Variants in CUBN observed in about 807,000 individuals in gnomAD.
CUBN encodes the protein cubilin.
In CUBN, 282 loss-of-function variants were observed where a neutral mutation model predicts 405.3. The observed-to-expected ratio is 0.70, with a 90% CI of 0.63 to 0.77. CUBN has a LOEUF of 0.77. Ranked by LOEUF, CUBN falls within the 30% of genes least tolerant of loss-of-function variation. The pLI, the probability that CUBN is intolerant of heterozygous loss-of-function variation, is 0.00. For missense variants in CUBN, 4,514 were observed against 4,475.2 expected (o/e 1.01, Z -0.25); for synonymous variants, 1,684 against 1,617.0 (o/e 1.04, Z -0.99).
At chr10:16,946,989 C>A (rs1842804114) in intron 36 of CUBN, among the ~76,000 whole-genome samples, 1 of 152,096 alleles carries the variant, frequency 6.6e-6, no homozygotes, top group African/African-American at 2.4e-5. Flanking sequence ...ATGAATGCGC[C>A]ACAGATTCAT....
chr10:16,990,408 C>T lies in CUBN; in HGVS notation c.4276G>A (p.Gly1426Arg), dbSNP rs779349598. The change falls in exon 29 of 67, where the codon GGG becomes AGG. Residue 1426 changes from glycine (G) to arginine (R), a missense_variant. By Grantham distance (125) the Gly-to-Arg change is moderately radical. Transcript: ENST00000377833. ...ECIWYIRTDP[G>R]SSIQLTIHDF... ...TGGATGGTGAGCTGAATGCTACTCCCGGGGTCCGTCCTAATGTACCAGATA... is the reference window on the plus strand; with the variant it reads ...TGGATGGTGAGCTGAATGCTACTCCTGGGGTCCGTCCTAATGTACCAGATA... 6 of 1,614,030 alleles carry T rather than the reference C, an allele frequency of 3.7e-6. No homozygotes were observed. The highest frequency in any genetic ancestry group is 1.7e-5 in the Admixed American group (1 of 59,994).
Position 16,950,086 on chromosome 10 carries a change from G to T in CUBN, c.4995C>A (p.Thr1665=). Residue 1665 remains threonine, a synonymous_variant, in exon 34 of 67, where the codon ACC becomes ACA. Coordinates refer to ENST00000377833, the MANE Select transcript of CUBN (RefSeq NM_001081.4). ...PPLNHITLSF[T]HFELERSTTC... is the part of the protein sequence containing the mutation. The stretch of plus-strand genomic sequence containing the variant: ...TTGTGCTTCTTTCAAGTTCAAAGTG[G>T]GTAAAAGAGAGGGTGATATGATTTA... The T allele has an allele frequency of 6.2e-7, 1 of 1,613,650 alleles. No individual in the cohort carries two copies. Among genetic ancestry groups the T allele is most frequent in the Non-Finnish European group, 8.5e-7 (1 of 1,179,796 alleles).
At chr10:17,079,139 G>A (rs1835916925) in intron 17 of CUBN, among the ~76,000 whole-genome samples, 1 of 151,664 alleles carries the variant, frequency 6.6e-6, no homozygotes, top group Non-Finnish European at 1.5e-5. Flanking sequence ...AGCAGTTGTG[G>A]AAAAACTGTG....
At chr10:17,025,451 T>C (rs1834634304) in intron 27 of CUBN, among the ~76,000 whole-genome samples, 1 of 152,232 alleles carries the variant, frequency 6.6e-6, no homozygotes, top group Non-Finnish European at 1.5e-5. Flanking sequence ...AGCTAAAATG[T>C]CTTTATCTAT....
intron 28 of CUBN, among the ~76,000 whole-genome samples, chr10:17,013,505 T>C (rs1588580883): frequency 2.0e-5 from 3 of 152,144 alleles, no homozygotes; most frequent in African/African-American, 7.2e-5. Flanking sequence ...GCTGTTCTCC[T>C]CTCTCCTTCC....
intron 27 of CUBN, among the ~76,000 whole-genome samples, chr10:17,029,266 T>A (rs899394983): frequency 3.9e-5 from 6 of 152,226 alleles, no homozygotes; most frequent in African/African-American, 1.4e-4. Context: ...ACGAAAATCC[T>A]TCATTGTGAA....
intron 8 of CUBN, 83 bp downstream of exon 8, chr10:17,113,944 A>T: frequency 7.5e-7 from 1 of 1,327,368 alleles, no homozygotes; most frequent in Non-Finnish European, 1.1e-6. Context: ...TTGTCTTCTT[A>T]CTCATCAATA....
chr10:16,835,192 C>A lies in CUBN; in HGVS notation c.10184G>T (p.Cys3395Phe). Residue 3395 changes from cysteine to phenylalanine, a missense_variant, in exon 64 of 67, where the codon TGC (cysteine) becomes TTC (phenylalanine). This residue lies in a region of CUBN where 1,186 missense variants were observed against 1,186.9 expected (regional missense o/e 1.00). Transcript: ENST00000377833. ...RMSFTYQIAD[C>F]NRDYHKAFGN... ...AAATGCCTTGTGATAGTCTCTGTTGCAATCTTAGAGGAAAAATAGGCATAA... is the reference window on the plus strand; with the variant it reads ...AAATGCCTTGTGATAGTCTCTGTTGAAATCTTAGAGGAAAAATAGGCATAA... 1 of 1,613,144 alleles carries A rather than the reference C, an allele frequency of 6.2e-7. No homozygotes were observed. The highest frequency in any genetic ancestry group is 8.5e-7 in the Non-Finnish European group (1 of 1,179,122).
intron 25 of CUBN, 45 bp from the exon 26 acceptor site, chr10:17,044,028 A>G (rs1225771557): frequency 6.5e-7 from 1 of 1,528,456 alleles, no homozygotes; most frequent in Non-Finnish European, 9.0e-7. Context: ...GACTATAAAC[A>G]TTATGTAAAG....
chr10:17,020,455 C>A (rs1206556452), intron 27 of CUBN, among the ~76,000 whole-genome samples: 1 of 152,054 alleles, frequency 6.6e-6, no homozygotes, highest in African/African-American at 2.4e-5. Flanking sequence ...ATAATCACAT[C>A]ATAGAAAATG....
At chr10:17,116,354 A>G (rs564385137) in intron 6 of CUBN, among the ~76,000 whole-genome samples, 1 of 152,310 alleles carries the variant, frequency 6.6e-6, no homozygotes, top group South Asian at 2.1e-4. Flanking sequence ...CTATGATCTG[A>G]GCATGGGAGC....
intron 59 of CUBN, among the ~76,000 whole-genome samples, chr10:16,853,350 A>G (rs1441155327): frequency 6.6e-6 from 1 of 152,214 alleles, no homozygotes; most frequent in Non-Finnish European, 1.5e-5. Flanking sequence ...ATTGGCCTTC[A>G]GTCTATTTTT....
chr10:17,051,269 G>A (rs1835260164), intron 22 of CUBN, among the ~76,000 whole-genome samples: 4 of 152,140 alleles, frequency 2.6e-5, no homozygotes, highest in Admixed American at 2.6e-4. Context: ...GCTAAGGCAG[G>A]AGGATCGCTT....
At chr10:16,935,211 G>A (rs1159570846) in intron 39 of CUBN, among the ~76,000 whole-genome samples, 1 of 152,104 alleles carries the variant, frequency 6.6e-6, no homozygotes, top group Non-Finnish European at 1.5e-5. Flanking sequence ...TCACTGGAGT[G>A]CAGTGTCATG....
At chr10:17,109,595 G>C (rs1041367352) in intron 10 of CUBN, 45 bp downstream of exon 10, 2 of 1,440,430 alleles carry the variant, frequency 1.4e-6, no homozygotes, top group Non-Finnish European at 2.0e-6. Flanking sequence ...GGTTTAGAAG[G>C]TCATATTACA....
At chr10:16,993,292 T>G (rs994553858) in intron 28 of CUBN, among the ~76,000 whole-genome samples, 1 of 152,254 alleles carries the variant, frequency 6.6e-6, no homozygotes, top group African/African-American at 2.4e-5. Context: ...GCATTTTTAT[T>G]TAGCATTCGT....
At chr10:17,072,116 C>T (rs2131849372) in intron 17 of CUBN, 145 bp from the exon 18 acceptor site, 1 of 681,348 alleles carries the variant, frequency 1.5e-6, no homozygotes, top group Non-Finnish European at 2.5e-6. Flanking sequence ...TTTTCTAAAG[C>T]AGTAGGTCAT....
In CUBN at chr10:16,913,795, G is replaced by T. The variant is rs368011185; in HGVS notation, c.7533+16C>A. The T allele has an allele frequency of 3.2e-5, 52 of 1,612,514 alleles. No individual in the cohort carries two copies. Among genetic ancestry groups the T allele is most frequent in the Non-Finnish European group, 4.2e-5 (50 of 1,179,794 alleles). On this transcript the variant is annotated intron_variant, in intron 48 of 66. Transcript: ENST00000377833. ...AATGATGGAATATAACATCTCAGGC[G>T]GCAGGGAACACTTACTATCACATGC...
chr10:17,084,437 T>G lies in CUBN; in HGVS notation c.2135A>C (p.Tyr712Ser). The change falls in exon 17 of 67, where the codon TAC (tyrosine) becomes TCC (serine). Residue 712 changes from tyrosine to serine, a missense_variant. Physicochemically the swap from Tyr to Ser is moderately radical, Grantham distance 144. Coordinates refer to ENST00000377833, the MANE Select transcript of CUBN (RefSeq NM_001081.4). Reference sequence around the variant, plus strand: ...GAAGAGTTCACCCTCTGGGTCCGTGTAGTTCCCACCACAACGCAGATCCGC... The same window carrying G: ...GAAGAGTTCACCCTCTGGGTCCGTGGAGTTCCCACCACAACGCAGATCCGC... Reference protein sequence around the residue: ...SPSDLRCGGNYTDPEGELFLP... With the variant: ...SPSDLRCGGNSTDPEGELFLP... 2 of 1,613,676 alleles carry G rather than the reference T, an allele frequency of 1.2e-6. No homozygotes were observed. The highest frequency in any genetic ancestry group is 1.7e-6 in the Non-Finnish European group (2 of 1,179,926).
Sources: gnomAD v4.1 joint callset for allele counts (sites outside exome capture counted in the v4.1 genomes callset) on GRCh38, gnomAD v4.1.1 for gene constraint, gnomAD v4.1.1 regional missense constraint, MANE v1.5 for transcripts, NCBI Gene and HGNC (gene_info 2026-07-23, HGNC 2026-07-21) for gene names.